The following PXK variants were observed in gnomAD, a reference collection of about 807,000 sequenced individuals.
The protein encoded by PXK is PX domain containing serine/threonine kinase like, also known as PX domain-containing protein kinase-like protein.
In PXK, 35 loss-of-function variants were observed where a neutral mutation model predicts 84.7. The ratio of observed to expected loss-of-function variants is 0.41; its 90% CI spans 0.32 to 0.55. The LOEUF (loss-of-function observed/expected upper bound fraction) is 0.55. Among genes scored for constraint, PXK ranks in the 20% least tolerant of loss-of-function variants. The pLI is 0.21. For missense variants in PXK, 634 were observed against 699.7 expected, an observed-to-expected ratio of 0.91 and a Z score of 1.06; for synonymous variants, 253 against 260.8, an observed-to-expected ratio of 0.97 and a Z score of 0.29.
At chr3:58,423,606 T>A (rs1410482134) in intron 17 of PXK, 2 of 1,500,716 alleles carry the variant, frequency 1.3e-6, no homozygotes, top group Non-Finnish European at 1.8e-6. Flanking sequence ...CCATACAAAC[T>A]TAAGTAGGGT....
chr3:58,402,507 G>A (rs1197295649), intron 12 of PXK, among the ~76,000 whole-genome samples: 1 of 150,642 alleles, frequency 6.6e-6, no homozygotes. Flanking sequence ...TTGGCTCACT[G>A]CAAGCTCCGC....
chr3:58,366,143 G>GGAATACCTA lies in PXK; in HGVS notation c.153+221_153+222insATACCTAGA, dbSNP rs1355148064. On this transcript the variant is annotated intron_variant, in intron 2 of 17. Transcript: ENST00000356151. ...AATTGTGTGTGATTGATATTACTATGGAGGGTATCTAGGAATTTGTTCCCC... is the reference window on the plus strand; with the variant it reads ...AATTGTGTGTGATTGATATTACTATGGAATACCTAGAGGGTATCTAGGAATTTGTTCCCC... Among the ~76,000 whole-genome samples the GGAATACCTA allele has an allele frequency of 3.3e-5, 5 of 152,202 alleles. No individual in the cohort carries two copies. In the East Asian group the frequency reaches 9.6e-4, roughly 29 times the overall value.
In PXK at chr3:58,408,429, T is replaced by TA. The variant is rs1433020178; in HGVS notation, c.1231-489dup. ...TGTTTTAGTTTTATGTGTTCATTGC[T>TA]AAAAAATGCTAGAGAAGTGAGTGTG... is the stretch of plus-strand genomic sequence containing the variant. On this transcript the variant is annotated intron_variant, in intron 13 of 17. Transcript: ENST00000356151. Among the ~76,000 whole-genome samples the TA allele has an allele frequency of 3.9e-5, 6 of 152,294 alleles. No individual in the cohort carries two copies. In the East Asian group the frequency reaches 1.2e-3, roughly 29 times the overall value.
Position 58,414,945 on chromosome 3 carries a change from TTTGC to T in PXK, c.1528+1984_1528+1987del, listed in dbSNP as rs1272915523. ...AGGTGCATTTACTGAGAACCTATGG[TTTGC>T]TAAGGACTGTGCTTGGCCCTGGGTT... is the stretch of plus-strand genomic sequence containing the variant. On this transcript the variant is annotated intron_variant, in intron 17 of 17. Transcript: ENST00000356151. The surrounding 1 kb of genome is among the most constrained non-coding windows in gnomAD (Gnocchi z 4.5). Among the ~76,000 whole-genome samples the T allele has an allele frequency of 2.6e-5, 4 of 152,192 alleles. No individual in the cohort carries two copies. The highest frequency in any genetic ancestry group is 5.9e-5 in the Non-Finnish European group (4 of 68,024).
intron 1 of PXK, among the ~76,000 whole-genome samples, chr3:58,334,909 ATTCTGTTTTT>A (rs1196562385): frequency 6.7e-5 from 10 of 149,096 alleles, no homozygotes; most frequent in African/African-American, 2.5e-4. Flanking sequence ...ATGTAATAGG[ATTCTGTTTTT>A]ATTGTAAGGG....
At chr3:58,406,754 A>T (rs2107506368) in intron 13 of PXK, among the ~76,000 whole-genome samples, 1 of 152,326 alleles carries the variant, frequency 6.6e-6, no homozygotes, top group South Asian at 2.1e-4. Context: ...AGCTCCGGGC[A>T]ATCACTATTC....
At chr3:58,342,950 C>T (rs1239128185) in intron 1 of PXK, among the ~76,000 whole-genome samples, 1 of 152,206 alleles carries the variant, frequency 6.6e-6, no homozygotes, top group African/African-American at 2.4e-5. Flanking sequence ...ACGGCTCTGC[C>T]TGCTGTCGCA....
Position 58,397,514 on chromosome 3 carries a change from C to T in PXK, c.985-91C>T. 1 of 1,121,160 alleles carries T rather than the reference C, an allele frequency of 8.9e-7. No individual in the cohort carries two copies. The highest frequency in any genetic ancestry group is 1.4e-6 in the Non-Finnish European group (1 of 738,068). The allele number at this position is 1,121,160 out of a possible 1,614,324, so 69.5% of individuals were successfully genotyped here. On this transcript the variant is annotated intron_variant, in intron 10 of 17. Coordinates refer to ENST00000356151, the MANE Select transcript of PXK (RefSeq NM_017771.5). This position sits in a 1 kb window ranked among gnomAD's most constrained non-coding sequence, Gnocchi z 4.7. ...AATTAGGAACGGGGCTATCCCTGGG[C>T]TTTGTTTCTCAGAGAAGCCTTGGGG...
chr3:58,365,442 A>G (rs2098255743), intron 1 of PXK, among the ~76,000 whole-genome samples: 1 of 152,194 alleles, frequency 6.6e-6, no homozygotes, highest in South Asian at 2.1e-4. Flanking sequence ...CTTGGAAAGA[A>G]TGTGTATTCT....
intron 3 of PXK, among the ~76,000 whole-genome samples, chr3:58,376,436 A>G (rs77698326): frequency 0.021 from 3,252 of 152,134 alleles, 124 homozygotes; most frequent in African/African-American, 0.074. Context: ...AATAAATAAA[A>G]TTAATTAATT....
intron 13 of PXK, 126 bp downstream of exon 13, chr3:58,404,036 C>G: frequency 6.0e-6 from 3 of 499,346 alleles, no homozygotes; most frequent in Non-Finnish European, 1.0e-5. Context: ...CCTAAATGTC[C>G]TACAATTAGG....
chr3:58,339,503 A>T (rs7646093), intron 1 of PXK, among the ~76,000 whole-genome samples: 80,476 of 151,770 alleles, frequency 0.53, 23,514 homozygotes, highest in African/African-American at 0.78. Context: ...GGGCTGGGAT[A>T]ACAGGCATGA....
chr3:58,367,758 C>T (rs1576112609), intron 2 of PXK, among the ~76,000 whole-genome samples: 2 of 152,302 alleles, frequency 1.3e-5, no homozygotes, highest in South Asian at 2.1e-4. Context: ...TCACAGCTCA[C>T]TTCAGCCTCG....
chr3:58,339,380 G>A (rs2097688101), intron 1 of PXK, among the ~76,000 whole-genome samples: 1 of 151,348 alleles, frequency 6.6e-6, no homozygotes, highest in Non-Finnish European at 1.5e-5. Context: ...CAGGCGCCAC[G>A]TACCATGCTC....
In PXK at chr3:58,364,691, G is replaced by A. The variant is rs1224831059; in HGVS notation, c.103-1183G>A. ...CGTGCCACTGCACTCCAGCCTGGGT[G>A]ACAGAGTGAGACTCGGTCTCAAAAA... On this transcript the variant is annotated intron_variant, in intron 1 of 17. Coordinates refer to ENST00000356151, the MANE Select transcript of PXK (RefSeq NM_017771.5). The surrounding 1 kb of genome is among the most constrained non-coding windows in gnomAD (Gnocchi z 4.3). Among the ~76,000 whole-genome samples, 1 of 151,704 alleles carries A rather than the reference G, an allele frequency of 6.6e-6. No individual in the cohort carries two copies. Among genetic ancestry groups the A allele is most frequent in the East Asian group, 1.9e-4 (1 of 5,168 alleles).
In PXK at chr3:58,365,923, A is replaced by G. The variant is rs1434475342; in HGVS notation, c.152A>G (p.Gln51Arg). The G allele has an allele frequency of 1.3e-6, 2 of 1,559,208 alleles. No homozygotes were observed. The highest frequency in any genetic ancestry group is 4.6e-5 in the East Asian group (2 of 43,822). Residue 51 changes from glutamine (Q) to arginine (R), a missense_variant and splice_region_variant, in exon 2 of 18, where the codon CAG (glutamine) becomes CGG (arginine). Coordinates refer to ENST00000356151, the MANE Select transcript of PXK (RefSeq NM_017771.5). The stretch of plus-strand genomic sequence containing the variant: ...GGAATTTCTGTGGAAAACAGCTGGC[A>G]GGTAAGCATCTTTTTTTTTTTTTTT... ...QRGISVENSW[Q>R]IVRRYSDFDL...
Position 58,370,756 on chromosome 3 carries a change from T to G in PXK, c.201+1278T>G, listed in dbSNP as rs777234127. Among the ~76,000 whole-genome samples, 2 of 152,160 alleles carry G rather than the reference T, an allele frequency of 1.3e-5. No homozygotes were observed. Among genetic ancestry groups the G allele is most frequent in the Non-Finnish European group, 2.9e-5 (2 of 68,036 alleles). On this transcript the variant is annotated intron_variant, in intron 3 of 17. Coordinates refer to ENST00000356151, the MANE Select transcript of PXK (RefSeq NM_017771.5). The surrounding 1 kb of genome is among the most constrained non-coding windows in gnomAD (Gnocchi z 4.2). ...GCTCACTCCCGTAATCCCAGCACTTTGGGAGGCTGAGGCGGGTGGATCACC... is the reference window on the plus strand; with the variant it reads ...GCTCACTCCCGTAATCCCAGCACTTGGGGAGGCTGAGGCGGGTGGATCACC...
rs1279751843 is a variant in PXK, at chr3:58,398,674, G to A, written c.1103-625G>A. Among the ~76,000 whole-genome samples, 2 of 152,216 alleles carry A rather than the reference G, an allele frequency of 1.3e-5. No individual in the cohort carries two copies. Among genetic ancestry groups the A allele is most frequent in the Admixed American group, 6.5e-5 (1 of 15,288 alleles). ...AGCCAGGCTGGCACCCACAGCTGGA[G>A]CAGAGAGAGGGGAGGGCAGGGTGGC... On this transcript the variant is annotated intron_variant, in intron 11 of 17. Transcript: ENST00000356151. The surrounding 1 kb of genome is among the most constrained non-coding windows in gnomAD (Gnocchi z 4.5).
chr3:58,336,071 A>ATATTTTTTTT (rs1284780630), intron 1 of PXK, among the ~76,000 whole-genome samples: 23 of 51,566 alleles, frequency 4.5e-4, no homozygotes, highest in African/African-American at 2.2e-3. Context: ...ATATATATAT[A>ATATTTTTTTT]TTTTTTTTTT....
Sources: allele counts gnomAD v4.1 joint callset (sites outside exome capture counted in the v4.1 genomes callset), GRCh38; gene constraint gnomAD v4.1.1; non-coding constraint Gnocchi (gnomAD v3.1); transcripts MANE v1.5; gene names NCBI Gene and HGNC (gene_info 2026-07-23, HGNC 2026-07-21).